CLTB: variants seen among roughly 807,000 people sequenced by gnomAD.
CLTB encodes the protein clathrin, light chain (Lcb).
In CLTB, 10 loss-of-function variants were observed where a neutral mutation model predicts 30.5. The ratio of observed to expected loss-of-function variants is 0.33; its 90% CI spans 0.20 to 0.56. The LOEUF is 0.56. Among genes scored for constraint, CLTB ranks in the 20% least tolerant of loss-of-function variants. CLTB has a pLI of 0.91. For missense variants in CLTB, 261 were observed against 308.3 expected (o/e 0.85, Z 1.15); for synonymous variants, 102 against 120.3 (o/e 0.85, Z 1.00).
intron 2 of CLTB, among the ~76,000 whole-genome samples, chr5:176,402,755 A>G (rs781605439): frequency 9.2e-5 from 14 of 152,208 alleles, no homozygotes; most frequent in African/African-American, 3.4e-4. Flanking sequence ...TCCCTCACAA[A>G]TGAGAACCAT....
At chr5:176,406,172 G>T in intron 2 of CLTB, 1 of 989,436 alleles carries the variant, frequency 1.0e-6, no homozygotes. Flanking sequence ...CATCTCAGTG[G>T]GGAGATCAGT....
chr5:176,407,282 G>C (rs1218898152), intron 2 of CLTB, among the ~76,000 whole-genome samples: 1 of 152,176 alleles, frequency 6.6e-6, no homozygotes, highest in Non-Finnish European at 1.5e-5. Flanking sequence ...TTTAGGAAAG[G>C]TAAATGATCC....
intron 1 of CLTB, among the ~76,000 whole-genome samples, chr5:176,412,409 T>A (rs1453948375): frequency 6.6e-6 from 1 of 152,166 alleles, no homozygotes; most frequent in African/African-American, 2.4e-5. Context: ...CCGTGTCCTA[T>A]TCAGCTCCTC....
rs773204336 is a variant in CLTB at position 176,397,921 on chromosome 5, C to T, written c.352+9G>A. 56 of 1,612,090 alleles carry T rather than the reference C, an allele frequency of 3.5e-5. No individual in the cohort carries two copies. The highest frequency in any genetic ancestry group is 4.4e-5 in the Non-Finnish European group (52 of 1,178,968). On this transcript the variant is annotated intron_variant, in intron 3 of 5. Transcript: ENST00000310418. ...CACCCAGCCAACCCCGCCTCAGCCC[C>T]GCCCTCACCCAGCTCTTGCAGCCGT...
chr5:176,397,760 G>C (rs1421519280), intron 3 of CLTB, 42 bp from the exon 4 acceptor site: 5 of 1,583,604 alleles, frequency 3.2e-6, no homozygotes, highest in Middle Eastern at 1.7e-4. Flanking sequence ...TTCCAGCTGG[G>C]ATGCACAGGC....
chr5:176,410,722 C>T (rs1463537946), intron 1 of CLTB, among the ~76,000 whole-genome samples: 1 of 151,380 alleles, frequency 6.6e-6, no homozygotes, highest in East Asian at 1.9e-4. Context: ...AAGCTCAGGG[C>T]AGGGGCTACA....
chr5:176,403,531 T>C (rs999819895), intron 2 of CLTB, among the ~76,000 whole-genome samples: 3 of 152,056 alleles, frequency 2.0e-5, no homozygotes, highest in Non-Finnish European at 4.4e-5. Flanking sequence ...CTCGGCCCAC[T>C]GCAACCTCCG....
intron 5 of CLTB, among the ~76,000 whole-genome samples, chr5:176,394,772 G>A (rs887033355): frequency 5.9e-5 from 9 of 151,842 alleles, no homozygotes; most frequent in African/African-American, 1.9e-4. Flanking sequence ...CTGAGATCAT[G>A]CCACTGCACT....
Position 176,393,908 on chromosome 5 carries a change from A to G in CLTB, c.519-963T>C, listed in dbSNP as rs1194821784. Among the ~76,000 whole-genome samples the G allele has an allele frequency of 6.6e-6, 1 of 152,190 alleles. No homozygotes were observed. Among genetic ancestry groups the G allele is most frequent in the African/African-American group, 2.4e-5 (1 of 41,440 alleles). On this transcript the variant is annotated intron_variant, in intron 5 of 5. Coordinates refer to ENST00000310418, the MANE Select transcript of CLTB (RefSeq NM_007097.5). The surrounding 1 kb of genome is among the most constrained non-coding windows in gnomAD (Gnocchi z 4.4). ...GTTTGGCCAGCGAGGGTCGCTCACA[A>G]GTCCCTGGAAGCCCCCTCTCCATCT...
chr5:176,395,691 C>G (rs1581423651), intron 5 of CLTB, among the ~76,000 whole-genome samples: 1 of 152,070 alleles, frequency 6.6e-6, no homozygotes, highest in East Asian at 1.9e-4. Context: ...AAACCTGAAA[C>G]ATGTGAGGGG....
chr5:176,394,857 C>T (rs1756442737), intron 5 of CLTB, among the ~76,000 whole-genome samples: 1 of 152,056 alleles, frequency 6.6e-6, no homozygotes, highest in South Asian at 2.1e-4. Context: ...TATACTCTCT[C>T]TTCAGGGCTC....
intron 2 of CLTB, among the ~76,000 whole-genome samples, chr5:176,400,264 T>A (rs1237306833): frequency 1.3e-5 from 2 of 151,822 alleles, no homozygotes; most frequent in Non-Finnish European, 2.9e-5. Flanking sequence ...CTAAGAGCTG[T>A]TATGATTTAA....
At chr5:176,412,976 CCA>C (rs1311388447) in intron 1 of CLTB, among the ~76,000 whole-genome samples, 16 of 151,366 alleles carry the variant, frequency 1.1e-4, no homozygotes. Context: ...CTGACCAACC[CCA>C]GTCTCAGACC....
At chr5:176,399,843 A>G (rs2113643046) in intron 2 of CLTB, among the ~76,000 whole-genome samples, 1 of 150,512 alleles carries the variant, frequency 6.6e-6, no homozygotes, top group East Asian at 2.0e-4. Context: ...GTGCCACTGC[A>G]CTCCAGCCTG....
rs534140982 is a variant in CLTB, at chr5:176,396,132, T to C, written c.518+347A>G. The stretch of plus-strand genomic sequence containing the variant: ...CCTGAGCAGCAAGAGCGAAACTCCA[T>C]CTCAAAAAACAAAAAACCCTTCACC... On this transcript the variant is annotated intron_variant, in intron 5 of 5. Coordinates refer to ENST00000310418, the MANE Select transcript of CLTB (RefSeq NM_007097.5). Among the ~76,000 whole-genome samples, 315 of 152,112 alleles carry C rather than the reference T, an allele frequency of 2.1e-3. 4 individuals carry two copies. The highest frequency in any genetic ancestry group is 6.8e-3 in the African/African-American group (282 of 41,498).
Position 176,397,923 on chromosome 5 carries a change from C to A in CLTB, c.352+7G>T. 6.2e-7 allele frequency: 1 copy of A among 1,612,724 alleles called. No individual in the cohort carries two copies. Among genetic ancestry groups the A allele is most frequent in the Middle Eastern group, 1.7e-4 (1 of 6,052 alleles). On this transcript the variant is annotated splice_region_variant and intron_variant, in intron 3 of 5. Transcript: ENST00000310418. The stretch of plus-strand genomic sequence containing the variant: ...CCCAGCCAACCCCGCCTCAGCCCCG[C>A]CCTCACCCAGCTCTTGCAGCCGTTT...
chr5:176,406,895 A>G (rs996988922), intron 2 of CLTB, among the ~76,000 whole-genome samples: 1 of 152,160 alleles, frequency 6.6e-6, no homozygotes, highest in East Asian at 1.9e-4. Flanking sequence ...CCAGCAACAG[A>G]GTCGTAATGC....
intron 1 of CLTB, among the ~76,000 whole-genome samples, chr5:176,413,667 G>A (rs893025243): frequency 2.6e-5 from 4 of 152,232 alleles, no homozygotes; most frequent in Non-Finnish European, 4.4e-5. Flanking sequence ...AGCAGGCCAG[G>A]GCGCTTTTTC....
Position 176,416,439 on chromosome 5 carries a change from G to T in CLTB, c.-76C>A. The T allele has an allele frequency of 7.8e-7, 1 of 1,276,748 alleles. No homozygotes were observed. Among genetic ancestry groups the T allele is most frequent in the Non-Finnish European group, 1.0e-6 (1 of 998,536 alleles). 79.1% of individuals were successfully genotyped at this position (1,276,748 alleles called of 1,614,324 possible). A position where few individuals can be genotyped will look rare whatever the true frequency, so the allele number is the denominator to read the frequency against. ...CTGCCCCGCGCTGCGTCCGGCGGCC[G>T]CGACGCTGTCACCCGAGCCGCGGGG... is the stretch of plus-strand genomic sequence containing the variant. On this transcript the variant is annotated 5_prime_UTR_variant, in exon 1 of 6. Transcript: ENST00000310418.
Sources: gnomAD v4.1 joint callset for allele counts (sites outside exome capture counted in the v4.1 genomes callset) on GRCh38, gnomAD v4.1.1 for gene constraint, Gnocchi (gnomAD v3.1) non-coding constraint, MANE v1.5 for transcripts, NCBI Gene and HGNC (gene_info 2026-07-23, HGNC 2026-07-21) for gene names.